Variants in SPOCK1 observed in about 807,000 individuals in gnomAD.
The protein encoded by SPOCK1 is testican-1.
A neutral mutation model predicts 55.3 loss-of-function variants in SPOCK1; 23 were observed. The observed-to-expected ratio is 0.42, with a 90% CI of 0.30 to 0.59. The LOEUF is 0.59. Ranked by LOEUF, SPOCK1 falls within the 20% of genes least tolerant of loss-of-function variation. The pLI, the probability that SPOCK1 is intolerant of heterozygous loss-of-function variation, is 0.22. For synonymous variants in SPOCK1, 226 were observed against 221.0 expected (o/e 1.02, Z -0.20); for missense variants, 499 against 552.5 (o/e 0.90, Z 0.97).
chr5:137,412,257 G>A (rs1191238630), intron 2 of SPOCK1, among the ~76,000 whole-genome samples: 2 of 152,158 alleles, frequency 1.3e-5, no homozygotes, highest in Non-Finnish European at 2.9e-5. Flanking sequence ...CACTGACAAG[G>A]GGCAGGTATA....
intron 6 of SPOCK1, chr5:136,993,073 G>A (rs549649420): frequency 1.3e-5 from 2 of 152,542 alleles, no homozygotes; most frequent in African/African-American, 4.8e-5. Context: ...TCCTAATTTT[G>A]TCTTAGCCCA....
chr5:137,038,915 T>G (rs1038249949), intron 6 of SPOCK1, among the ~76,000 whole-genome samples: 1 of 152,178 alleles, frequency 6.6e-6, no homozygotes, highest in African/African-American at 2.4e-5. Flanking sequence ...ATGTCCGGCA[T>G]ATAGTAGGAA....
intron 6 of SPOCK1, among the ~76,000 whole-genome samples, chr5:137,052,717 ATAAT>A: frequency 6.6e-6 from 1 of 152,332 alleles, no homozygotes; most frequent in African/African-American, 2.4e-5. Context: ...TTTTAAAAGA[ATAAT>A]TGATGATATG....
chr5:137,100,566 C>G (rs1204385495), intron 5 of SPOCK1, among the ~76,000 whole-genome samples: 1 of 152,226 alleles, frequency 6.6e-6, no homozygotes. Flanking sequence ...TGAGCTCAAT[C>G]TGACCAAACT....
intron 9 of SPOCK1, among the ~76,000 whole-genome samples, chr5:136,984,075 T>G (rs1750789758): frequency 6.6e-6 from 1 of 152,048 alleles, no homozygotes; most frequent in South Asian, 2.1e-4. Context: ...TAGAAAATCC[T>G]ATGGAGGAGG....
intron 3 of SPOCK1, among the ~76,000 whole-genome samples, chr5:137,261,056 G>T (rs900672099): frequency 6.6e-6 from 1 of 152,130 alleles, no homozygotes; most frequent in Non-Finnish European, 1.5e-5. Flanking sequence ...TCCCACAAAC[G>T]AGGCCAGCTG....
At chr5:136,983,817 G>C (rs893780491) in intron 9 of SPOCK1, among the ~76,000 whole-genome samples, 1 of 152,128 alleles carries the variant, frequency 6.6e-6, no homozygotes, top group South Asian at 2.1e-4. Flanking sequence ...TCCATATGTG[G>C]GAAATGTGAT....
At chr5:137,205,672 C>T (rs1045436045) in intron 3 of SPOCK1, among the ~76,000 whole-genome samples, 1 of 152,164 alleles carries the variant, frequency 6.6e-6, no homozygotes, top group African/African-American at 2.4e-5. Context: ...GATGCATGAT[C>T]AAGTCACAGC....
chr5:137,238,201 ACT>A (rs1756217640), intron 3 of SPOCK1, among the ~76,000 whole-genome samples: 1 of 152,376 alleles, frequency 6.6e-6, no homozygotes, highest in Admixed American at 6.5e-5. Flanking sequence ...ACTTCAGTTA[ACT>A]AATGACTGTT....
At chr5:136,991,016 G>A (rs1750939046) in intron 7 of SPOCK1, among the ~76,000 whole-genome samples, 1 of 152,066 alleles carries the variant, frequency 6.6e-6, no homozygotes, top group South Asian at 2.1e-4. Flanking sequence ...CACTCCTCTG[G>A]CCTTCTGGGC....
chr5:137,498,624 G>A (rs1754361144), intron 1 of SPOCK1, 66 bp from the exon 2 acceptor site: 1 of 1,225,108 alleles, frequency 8.2e-7, no homozygotes, highest in East Asian at 3.5e-5. Flanking sequence ...CGGGCACCCA[G>A]GCGTCCCAGC....
chr5:137,219,741 G>A (rs1177512244), intron 3 of SPOCK1, among the ~76,000 whole-genome samples: 1 of 152,232 alleles, frequency 6.6e-6, no homozygotes. Flanking sequence ...TGTCCAGGCT[G>A]TGTTGAGTGC....
chr5:137,477,557 C>T (rs1171177039), intron 2 of SPOCK1, among the ~76,000 whole-genome samples: 1 of 152,128 alleles, frequency 6.6e-6, no homozygotes, highest in African/African-American at 2.4e-5. Context: ...GTATAACTTG[C>T]AGGGAAGCAG....
intron 5 of SPOCK1, among the ~76,000 whole-genome samples, chr5:137,097,232 C>T (rs770806465): frequency 6.6e-6 from 1 of 152,140 alleles, no homozygotes; most frequent in Admixed American, 6.5e-5. Context: ...AATAGAGGGG[C>T]TGCTTTTGCT....
rs141273286 is a variant in SPOCK1 at position 137,116,988 on chromosome 5, A to G, written c.348-4427T>C. ...AGTCAGGCTGCACTCCCACTCCACC[A>G]TAGCCTAGTGACCACTTCTGGTTGG... On this transcript the variant is annotated intron_variant, in intron 4 of 10. Transcript: ENST00000394945. 3.2e-3 allele frequency among the ~76,000 whole-genome samples: 482 copies of G among 152,224 alleles called. 2 individuals are homozygous for G. Among genetic ancestry groups the G allele is most frequent in the Middle Eastern group, 0.01 (3 of 294 alleles).
chr5:137,485,291 C>T (rs1754032878), intron 2 of SPOCK1, among the ~76,000 whole-genome samples: 1 of 152,166 alleles, frequency 6.6e-6, no homozygotes, highest in Non-Finnish European at 1.5e-5. Context: ...AACCGTGTTG[C>T]TTTTCTCCTT....
At chr5:137,434,334 C>T (rs1342677053) in intron 2 of SPOCK1, among the ~76,000 whole-genome samples, 1 of 152,120 alleles carries the variant, frequency 6.6e-6, no homozygotes. Flanking sequence ...TTCCAATGAT[C>T]TTTGATAGAT....
At chr5:137,114,671 T>G (rs1217317819) in intron 4 of SPOCK1, among the ~76,000 whole-genome samples, 6 of 152,166 alleles carry the variant, frequency 3.9e-5, no homozygotes, top group Non-Finnish European at 7.3e-5. Flanking sequence ...CAGCATGGGG[T>G]TAATCTTAGG....
intron 3 of SPOCK1, among the ~76,000 whole-genome samples, chr5:137,182,117 G>T (rs934383454): frequency 6.6e-6 from 1 of 152,136 alleles, no homozygotes; most frequent in African/African-American, 2.4e-5. Flanking sequence ...AGGCTCAATC[G>T]TGCCACTTTT....
Sources: gnomAD v4.1 joint callset for allele counts (sites outside exome capture counted in the v4.1 genomes callset) on GRCh38, gnomAD v4.1.1 for gene constraint, MANE v1.5 for transcripts, NCBI Gene and HGNC (gene_info 2026-07-23, HGNC 2026-07-21) for gene names.